The following ZNF469 variants were observed in gnomAD, a reference collection of about 807,000 sequenced individuals.
ZNF469 encodes the protein zinc finger protein 469.
In ZNF469, 1 loss-of-function variant was observed where a neutral mutation model predicts 1.0. The ratio of observed to expected loss-of-function variants is 1.00; its 90% CI spans 0.35 to 4.73. The LOEUF is 4.73. Ranked by LOEUF, ZNF469 falls within the 30% of genes most tolerant of loss-of-function variation. ZNF469 has a pLI of 0.16. For missense variants in ZNF469, 6,100 were observed against 5,356.3 expected (o/e 1.14, Z -4.33); for synonymous variants, 2,703 against 2,363.4 (o/e 1.14, Z -4.17).
chr16:88,263,255 T>C, the ZNF469 span, among the ~76,000 whole-genome samples: 1 of 152,184 alleles, frequency 6.6e-6, no homozygotes, highest in Non-Finnish European at 1.5e-5. Context: ...TTGTTGGGCC[T>C]CTGGGGTAGA....
rs771869636 is a variant in ZNF469 at position 88,436,133 on chromosome 16, C to A, written c.8663C>A (p.Pro2888Gln). ...AAGCGCTGTGAGAAGCCGGTGCTCC[C>A]GCTGCCAACCCAGCCCAGCTTTGAG... ...YGKRCEKPVL[P>Q]LPTQPSFEEG... Residue 2888 changes from proline (P) to glutamine (Q), a missense_variant, in exon 3 of 3, where the codon CCG (proline) becomes CAG (glutamine). Physicochemically the swap from Pro to Gln is moderately conservative, Grantham distance 76. Coordinates refer to ENST00000565624, the MANE Select transcript of ZNF469 (RefSeq NM_001367624.2). 1.3e-6 allele frequency: 2 copies of A among 1,548,108 alleles called. No individual in the cohort carries two copies. Among genetic ancestry groups the A allele is most frequent in the Non-Finnish European group, 1.7e-6 (2 of 1,146,980 alleles).
chr16:88,281,211 G>T, the ZNF469 span, among the ~76,000 whole-genome samples: 1 of 135,116 alleles, frequency 7.4e-6, no homozygotes, highest in Non-Finnish European at 1.7e-5. Context: ...CTGACGCTTG[G>T]TCAGTACCAT....
the ZNF469 span, among the ~76,000 whole-genome samples, chr16:88,133,336 C>G: frequency 6.6e-6 from 1 of 152,336 alleles, no homozygotes; most frequent in South Asian, 2.1e-4. Context: ...AGCTCGAGAA[C>G]GTCTTTTGCA....
chr16:88,321,954 C>T, the ZNF469 span, among the ~76,000 whole-genome samples: 2 of 152,214 alleles, frequency 1.3e-5, no homozygotes, highest in African/African-American at 2.4e-5. Context: ...GATGCTGCAC[C>T]GCTTCTGACA....
chr16:88,226,586 C>T, the ZNF469 span, among the ~76,000 whole-genome samples: 8 of 152,102 alleles, frequency 5.3e-5, no homozygotes, highest in South Asian at 2.1e-4. Context: ...CCCTTTCTTA[C>T]GGCAGCTCAA....
the ZNF469 span, among the ~76,000 whole-genome samples, chr16:88,226,670 G>C: frequency 6.6e-6 from 1 of 152,046 alleles, no homozygotes; most frequent in South Asian, 2.1e-4. Context: ...TGATGCTCCA[G>C]ATGCTCGCCC....
chr16:88,293,314 T>TTGGAGGGA, the ZNF469 span, among the ~76,000 whole-genome samples: 1 of 146,696 alleles, frequency 6.8e-6, no homozygotes, highest in African/African-American at 2.5e-5. Context: ...GGATGGGTAA[T>TTGGAGGGA]TGGATGGATG....
At chr16:88,269,180 C>A in the ZNF469 span, among the ~76,000 whole-genome samples, 2 of 152,190 alleles carry the variant, frequency 1.3e-5, no homozygotes, top group African/African-American at 4.8e-5. Flanking sequence ...ACCAGTGGAA[C>A]TGGGTTTGAG....
the ZNF469 span, chr16:88,177,402 C>T: frequency 0.78 from 119,115 of 152,132 alleles, 47,075 homozygotes; most frequent in East Asian, 0.94. This position sits in a 1 kb window ranked among gnomAD's most constrained non-coding sequence, Gnocchi z 4.8. Context: ...CCAGTCCTCA[C>T]CCCCCACTGG....
In ZNF469 at chr16:88,430,319, A is replaced by T. The variant is rs1210700951; in HGVS notation, c.2849A>T (p.Gln950Leu). 4.0e-6 allele frequency: 6 copies of T among 1,515,184 alleles called. No individual in the cohort carries two copies. Among genetic ancestry groups the T allele is most frequent in the Non-Finnish European group, 5.3e-6 (6 of 1,135,382 alleles). The allele number at this position is 1,515,184 out of a possible 1,614,324, so 93.9% of individuals were successfully genotyped here. A position where few individuals can be genotyped will look rare whatever the true frequency, so the allele number is the denominator to read the frequency against. Residue 950 changes from glutamine to leucine, a missense_variant, in exon 3 of 3, where the codon CAG (glutamine) becomes CTG (leucine). Coordinates refer to ENST00000565624, the MANE Select transcript of ZNF469 (RefSeq NM_001367624.2). The stretch of plus-strand genomic sequence containing the variant: ...GGCAGGCAGCAGAGGAGGGGGAAGC[A>T]GTTGAAGCTGTTCCGGAAGGATCTG... ...SQGRQQRRGK[Q>L]LKLFRKDLDS...
At chr16:88,208,085 C>T in the ZNF469 span, among the ~76,000 whole-genome samples, 3 of 152,102 alleles carry the variant, frequency 2.0e-5, 1 homozygote, top group South Asian at 4.2e-4. Context: ...TATATATTTA[C>T]ATTAGTGTGG....
At chr16:88,387,008 A>G (rs1452591958) in intron 1 of ZNF469, among the ~76,000 whole-genome samples, 1 of 152,148 alleles carries the variant, frequency 6.6e-6, no homozygotes, top group Non-Finnish European at 1.5e-5. Flanking sequence ...GGTAGAAGGA[A>G]AGATGGGCCA....
the ZNF469 span, among the ~76,000 whole-genome samples, chr16:88,134,911 A>G: frequency 0.58 from 88,620 of 152,192 alleles, 28,763 homozygotes; most frequent in Non-Finnish European, 0.75. Context: ...TCCTTGCCAT[A>G]TACCCATTGC....
chr16:88,105,307 T>C, the ZNF469 span, among the ~76,000 whole-genome samples: 4 of 40,880 alleles, frequency 9.8e-5, no homozygotes, highest in African/African-American at 2.5e-4. Flanking sequence ...TTCTTTCTTT[T>C]TTTTTTTTTT....
At chr16:88,250,065 G>A in the ZNF469 span, among the ~76,000 whole-genome samples, 1 of 152,192 alleles carries the variant, frequency 6.6e-6, no homozygotes, top group Admixed American at 6.5e-5. Context: ...TTCTTACTTT[G>A]CAATTCAAGT....
the ZNF469 span, among the ~76,000 whole-genome samples, chr16:88,207,916 T>G: frequency 6.6e-6 from 1 of 151,796 alleles, no homozygotes; most frequent in Non-Finnish European, 1.5e-5. Context: ...GGCTCGAGGG[T>G]GTGGGGGGTG....
chr16:88,388,818 C>T (rs1019700789), intron 1 of ZNF469, among the ~76,000 whole-genome samples: 14 of 150,452 alleles, frequency 9.3e-5, no homozygotes, highest in East Asian at 5.9e-4. Context: ...CTGTAGAAGC[C>T]GGAGAGCCTG....
chr16:88,372,326 TCAC>T, the ZNF469 span, among the ~76,000 whole-genome samples: 2 of 18,402 alleles, frequency 1.1e-4, no homozygotes, highest in African/African-American at 2.0e-4. Flanking sequence ...ATCATCACCA[TCAC>T]CACCATCATC....
At chr16:88,224,440 A>G in the ZNF469 span, among the ~76,000 whole-genome samples, 1 of 152,192 alleles carries the variant, frequency 6.6e-6, no homozygotes, top group African/African-American at 2.4e-5. Context: ...CATGCGCTGG[A>G]GGAAAGGGCC....
Sources: gnomAD v4.1 joint callset for allele counts (sites outside exome capture counted in the v4.1 genomes callset) on GRCh38, gnomAD v4.1.1 for gene constraint, Gnocchi (gnomAD v3.1) non-coding constraint, MANE v1.5 for transcripts, NCBI Gene and HGNC (gene_info 2026-07-23, HGNC 2026-07-21) for gene names.